The following ANAPC1 variants were observed in gnomAD, a reference collection of about 807,000 sequenced individuals.
ANAPC1 encodes anaphase-promoting complex subunit 1.
A neutral mutation model predicts 208.0 loss-of-function variants in ANAPC1; 36 were observed. The ratio of observed to expected loss-of-function variants is 0.17; its 90% CI spans 0.13 to 0.23. The LOEUF is 0.23. Ranked by LOEUF, ANAPC1 falls within the 10% of genes least tolerant of loss-of-function variation. The pLI, the probability that ANAPC1 is intolerant of heterozygous loss-of-function variation, is 1.00. For synonymous variants in ANAPC1, 378 were observed against 695.2 expected, an observed-to-expected ratio of 0.54 and a Z score of 7.18; for missense variants, 942 against 2,011.6, an observed-to-expected ratio of 0.47 and a Z score of 10.17.
Position 111,863,792 on chromosome 2 carries a change from T to C in ANAPC1, c.935A>G (p.Asp312Gly). ...TAHLRSLSKG[D>G]SPVTSPFQNY... ...CTGGAAAGGTGAAGTCACAGGGGAA[T>C]CTCCTTTGGAGAGGCTTCTGAGATG... Residue 312 changes from aspartate to glycine, a missense_variant, in exon 9 of 48, where the codon GAT becomes GGT. Coordinates refer to ENST00000341068, the MANE Select transcript of ANAPC1 (RefSeq NM_022662.4). The C allele has an allele frequency of 6.2e-7, 1 of 1,613,882 alleles. No individual in the cohort carries two copies. The highest frequency in any genetic ancestry group is 8.5e-7 in the Non-Finnish European group (1 of 1,179,854).
At chr2:111,871,200 T>C (rs1333794797) in intron 6 of ANAPC1, among the ~76,000 whole-genome samples, 5 of 152,144 alleles carry the variant, frequency 3.3e-5, no homozygotes, top group Non-Finnish European at 5.9e-5. Flanking sequence ...AGAATTGTTT[T>C]TTCTAACTCT....
chr2:111,798,271 C>T (rs1262225075), intron 34 of ANAPC1, among the ~76,000 whole-genome samples: 3 of 152,014 alleles, frequency 2.0e-5, no homozygotes, highest in Non-Finnish European at 2.9e-5. Context: ...GTAAATTAAC[C>T]GGTTGCTTTA....
intron 6 of ANAPC1, among the ~76,000 whole-genome samples, chr2:111,869,390 C>T (rs1682614262): frequency 6.6e-6 from 1 of 151,992 alleles, no homozygotes; most frequent in Non-Finnish European, 1.5e-5. Context: ...ATTACAGGCA[C>T]CTGCCACCAC....
At chr2:111,789,065 G>A (rs1249087003) in intron 38 of ANAPC1, among the ~76,000 whole-genome samples, 2 of 152,248 alleles carry the variant, frequency 1.3e-5, no homozygotes, top group African/African-American at 4.8e-5. Flanking sequence ...GTGAACCCGG[G>A]AGGCGGAGCT....
At chr2:111,879,446 A>G (rs1003554853) in intron 2 of ANAPC1, among the ~76,000 whole-genome samples, 18 of 152,236 alleles carry the variant, frequency 1.2e-4, no homozygotes, top group Non-Finnish European at 2.1e-4. Flanking sequence ...TGGAAGAAAG[A>G]GAAGTTTCCA....
In ANAPC1 at chr2:111,824,561, T is replaced by G. The variant is rs1223649147; in HGVS notation, c.2812+405A>C. Among the ~76,000 whole-genome samples, 4 of 152,110 alleles carry G rather than the reference T, an allele frequency of 2.6e-5. No homozygotes were observed. In the East Asian group the frequency reaches 7.7e-4, roughly 29 times the overall value. ...TGCCTGAAATCCCTTCAAAAGTGCA[T>G]TTATCCTTCAAAAGTATACCCTGAA... On this transcript the variant is annotated intron_variant, in intron 24 of 47. Coordinates refer to ENST00000341068, the MANE Select transcript of ANAPC1 (RefSeq NM_022662.4).
intron 21 of ANAPC1, among the ~76,000 whole-genome samples, chr2:111,829,999 G>A (rs1312286003): frequency 6.6e-6 from 1 of 152,164 alleles, no homozygotes; most frequent in Non-Finnish European, 1.5e-5. Context: ...GAACCCAGAA[G>A]GTGGAGGTTG....
chr2:111,769,813 T>C (rs909061207), intron 47 of ANAPC1, among the ~76,000 whole-genome samples: 5 of 146,606 alleles, frequency 3.4e-5, no homozygotes, highest in African/African-American at 5.0e-5. Flanking sequence ...CCCGAGTAGC[T>C]GGGACTACAG....
At chr2:111,868,399 G>A (rs893985666) in intron 6 of ANAPC1, among the ~76,000 whole-genome samples, 1 of 152,210 alleles carries the variant, frequency 6.6e-6, no homozygotes, top group African/African-American at 2.4e-5. Flanking sequence ...GCATAAAGCG[G>A]TCTTTTTTTA....
At chr2:111,876,471 G>A (rs1013792963) in intron 3 of ANAPC1, among the ~76,000 whole-genome samples, 1 of 152,036 alleles carries the variant, frequency 6.6e-6, no homozygotes, top group African/African-American at 2.4e-5. Context: ...TAAGATAAAG[G>A]AGATAATATA....
intron 20 of ANAPC1, among the ~76,000 whole-genome samples, chr2:111,832,667 C>G (rs1314276544): frequency 6.6e-6 from 1 of 152,104 alleles, no homozygotes; most frequent in South Asian, 2.1e-4. Flanking sequence ...CGGTGGCTCA[C>G]GCCTGTAATC....
chr2:111,808,825 T>G, intron 29 of ANAPC1, 122 bp downstream of exon 29: 1 of 1,457,856 alleles, frequency 6.9e-7, no homozygotes, highest in Non-Finnish European at 9.5e-7. Flanking sequence ...TAGATCATTC[T>G]TTGCTCATAA....
chr2:111,872,268 G>C (rs2104590404), intron 6 of ANAPC1, among the ~76,000 whole-genome samples: 1 of 152,228 alleles, frequency 6.6e-6, no homozygotes, highest in Middle Eastern at 3.4e-3. Flanking sequence ...TTGTTTATGT[G>C]ATGTGTCACA....
In ANAPC1 at chr2:111,863,843, A is replaced by T; in HGVS notation, c.884T>A (p.Val295Glu). The change falls in exon 9 of 48, where the codon GTG (valine) becomes GAG (glutamate). Residue 295 changes from valine (V) to glutamate (E), a missense_variant. Physicochemically the swap from Val to Glu is moderately radical, Grantham distance 121. Transcript: ENST00000341068. ...TGCTGTGAGGGAGCTGCTAGTGGCCACATTCTGTGGGGTTCCCCCCTGTTC... is the reference window on the plus strand; with the variant it reads ...TGCTGTGAGGGAGCTGCTAGTGGCCTCATTCTGTGGGGTTCCCCCCTGTTC... ...FSEQGGTPQN[V>E]ATSSSLTAHL... 6.2e-7 allele frequency: 1 copy of T among 1,613,814 alleles called. No individual in the cohort carries two copies. Among genetic ancestry groups the T allele is most frequent in the Non-Finnish European group, 8.5e-7 (1 of 1,179,820 alleles).
chr2:111,845,741 G>A (rs1681018245), intron 16 of ANAPC1, among the ~76,000 whole-genome samples: 1 of 152,068 alleles, frequency 6.6e-6, no homozygotes, highest in Admixed American at 6.6e-5. Context: ...TTGGGAGGCC[G>A]AGGCAGGTGA....
At position 111,864,893 on chromosome 2, in the gene ANAPC1, G is replaced by C; in HGVS notation, c.744C>G (p.Phe248Leu). The change falls in exon 8 of 48, where the codon TTC becomes TTG. Residue 248 changes from phenylalanine to leucine, a missense_variant. Physicochemically the swap from Phe to Leu is conservative, Grantham distance 22. Coordinates refer to ENST00000341068, the MANE Select transcript of ANAPC1 (RefSeq NM_022662.4). ...YVVDHAMKIV[F>L]LNTDPSIVMT... ...TTACAATAGAGGGGTCAGTATTGAG[G>C]AAAACAATTTTCATTGCATGATCTA... 6.2e-7 allele frequency: 1 copy of C among 1,611,560 alleles called. No homozygotes were observed. The highest frequency in any genetic ancestry group is 8.5e-7 in the Non-Finnish European group (1 of 1,179,750).
At chr2:111,875,603 T>C (rs1682982595) in intron 3 of ANAPC1, among the ~76,000 whole-genome samples, 2 of 152,254 alleles carry the variant, frequency 1.3e-5, no homozygotes, top group Non-Finnish European at 2.9e-5. Context: ...GTCAATCCTA[T>C]ATATATATTG....
At chr2:111,770,857 T>TA (rs1334772567) in intron 47 of ANAPC1, among the ~76,000 whole-genome samples, 1 of 151,456 alleles carries the variant, frequency 6.6e-6, no homozygotes, top group African/African-American at 2.4e-5. Context: ...TAAGTTCCAG[T>TA]ATGATAACTC....
chr2:111,867,485 G>A (rs1682494513), intron 7 of ANAPC1, among the ~76,000 whole-genome samples: 1 of 151,950 alleles, frequency 6.6e-6, no homozygotes, highest in African/African-American at 2.4e-5. Flanking sequence ...GAAGTCAGGA[G>A]TTCGATACCA....
Sources: allele counts gnomAD v4.1 joint callset (sites outside exome capture counted in the v4.1 genomes callset), GRCh38; gene constraint gnomAD v4.1.1; transcripts MANE v1.5; gene names NCBI Gene and HGNC (gene_info 2026-07-23, HGNC 2026-07-21).